The following CFAP44 variants were observed in gnomAD, a reference collection of about 807,000 sequenced individuals.
The protein encoded by CFAP44 is cilia- and flagella-associated protein 44.
CFAP44 carries 134 observed loss-of-function variants against 216.2 expected under a neutral mutation model. The observed-to-expected ratio is 0.62, with a 90% confidence interval of 0.54 to 0.72. The LOEUF (loss-of-function observed/expected upper bound fraction) is 0.72. Ranked by LOEUF, CFAP44 falls within the 30% of genes least tolerant of loss-of-function variation. The pLI is 0.00. For synonymous variants in CFAP44, 700 were observed against 727.6 expected (o/e 0.96, Z 0.61); for missense variants, 2,035 against 2,182.1 (o/e 0.93, Z 1.34).
chr3:113,366,743 G>A (rs1030230547), intron 18 of CFAP44, among the ~76,000 whole-genome samples: 7 of 152,188 alleles, frequency 4.6e-5, no homozygotes, highest in East Asian at 1.9e-4. Context: ...AGGGCAAGCC[G>A]AAGCAAGGCA....
rs543715475 is a variant in CFAP44 at position 113,409,145 on chromosome 3, T to C, written c.851A>G (p.Lys284Arg). 2 of 1,614,054 alleles carry C rather than the reference T, an allele frequency of 1.2e-6. No individual in the cohort carries two copies. The highest frequency in any genetic ancestry group is 1.1e-5 in the South Asian group (1 of 91,080). Residue 284 changes from lysine to arginine, a missense_variant, in exon 7 of 35, where the codon AAG (lysine) becomes AGG (arginine). Coordinates refer to ENST00000393845, the MANE Select transcript of CFAP44 (RefSeq NM_001164496.2). Reference protein sequence around the residue: ...EVFKVTFNPDKEEQLTTSGSG... With the variant: ...EVFKVTFNPDREEQLTTSGSG... ...TCCCGATGTAGTAAGCTGCTCTTCC[T>C]TATCAGGATTGAAAGTAACCTTAAA...
intron 23 of CFAP44, among the ~76,000 whole-genome samples, chr3:113,343,838 A>C (rs1559917578): frequency 6.6e-6 from 1 of 152,212 alleles, no homozygotes; most frequent in East Asian, 1.9e-4. Flanking sequence ...CCAATGAAGA[A>C]GATAAACCAA....
chr3:113,330,070 T>G, intron 26 of CFAP44, 98 bp downstream of exon 26: 5 of 1,398,872 alleles, frequency 3.6e-6, no homozygotes, highest in Non-Finnish European at 4.7e-6. Flanking sequence ...GAAAGGTTCA[T>G]GCAGAGAAAT....
At chr3:113,393,908 C>A (rs1317576053) in intron 15 of CFAP44, among the ~76,000 whole-genome samples, 2 of 152,166 alleles carry the variant, frequency 1.3e-5, no homozygotes, top group African/African-American at 4.8e-5. Flanking sequence ...GCCCGTGAGG[C>A]CCTCACCAGA....
intron 28 of CFAP44, among the ~76,000 whole-genome samples, chr3:113,318,704 A>C (rs775234): frequency 0.98 from 148,617 of 152,218 alleles, 72,574 homozygotes; most frequent in East Asian, 1. Flanking sequence ...ACAGAGAGAA[A>C]CCCATCAGGC....
At chr3:113,362,422 C>T (rs1950549947) in intron 21 of CFAP44, among the ~76,000 whole-genome samples, 1 of 152,066 alleles carries the variant, frequency 6.6e-6, no homozygotes, top group South Asian at 2.1e-4. Context: ...AAGGGGCCAC[C>T]ACCAATCACC....
intron 14 of CFAP44, 55 bp from the exon 15 acceptor site, chr3:113,395,915 T>A: frequency 7.5e-7 from 1 of 1,334,480 alleles, no homozygotes; most frequent in Non-Finnish European, 1.1e-6. Flanking sequence ...ATCTAGCCTA[T>A]AGATCACAAA....
At chr3:113,326,148 T>C (rs139440699) in intron 28 of CFAP44, among the ~76,000 whole-genome samples, 11 of 152,252 alleles carry the variant, frequency 7.2e-5, no homozygotes, top group African/African-American at 2.4e-4. Context: ...AAATAAGATA[T>C]ACATATGGCA....
intron 6 of CFAP44, among the ~76,000 whole-genome samples, chr3:113,414,940 C>T (rs150626627): frequency 0.041 from 6,192 of 152,128 alleles, 411 homozygotes; most frequent in African/African-American, 0.14. Flanking sequence ...GGAATGGTAC[C>T]AGCTCCTCTT....
chr3:113,300,044 T>A (rs1473205191), intron 32 of CFAP44, among the ~76,000 whole-genome samples: 2 of 151,974 alleles, frequency 1.3e-5, no homozygotes, highest in Non-Finnish European at 2.9e-5. Context: ...GAGAGAGAGG[T>A]CTTGTCATTT....
chr3:113,312,657 G>T (rs1288983960), intron 28 of CFAP44, among the ~76,000 whole-genome samples: 4 of 152,130 alleles, frequency 2.6e-5, no homozygotes, highest in Admixed American at 6.5e-5. Context: ...TGGTTTCTTG[G>T]GGAGGGCCCA....
At position 113,294,693 on chromosome 3, in the gene CFAP44, A is replaced by T; in HGVS notation, c.5367T>A (p.Asn1789Lys). ...KLDSRLNTLQ[N>K]QQGNAFQGPR... ...CTGAAGGTAAAGAACATACCTGCTG[A>T]TTCTGTAGTGTATTCAACCGAGAAT... The change falls in exon 34 of 35, where the codon AAT (asparagine) becomes AAA (lysine). Residue 1789 changes from asparagine to lysine, a missense_variant. This residue lies in a region of CFAP44 where 1,883 missense variants were observed against 2,023.7 expected (regional missense o/e 0.93). Coordinates refer to ENST00000393845, the MANE Select transcript of CFAP44 (RefSeq NM_001164496.2). The T allele has an allele frequency of 6.5e-7, 1 of 1,529,074 alleles. No individual in the cohort carries two copies. The allele number at this position is 1,529,074 out of a possible 1,614,324, so 94.7% of individuals were successfully genotyped here.
chr3:113,398,540 A>G (rs1475629728), intron 13 of CFAP44, among the ~76,000 whole-genome samples: 1 of 152,174 alleles, frequency 6.6e-6, no homozygotes, highest in Non-Finnish European at 1.5e-5. Flanking sequence ...AATTACCTGG[A>G]TTGTAGTTTT....
At chr3:113,312,950 G>C (rs566784752) in intron 28 of CFAP44, among the ~76,000 whole-genome samples, 306 of 152,302 alleles carry the variant, frequency 2.0e-3, no homozygotes, top group South Asian at 5.6e-3. Context: ...CTCTGGGGCA[G>C]TGTGGATGGG....
In CFAP44 at chr3:113,409,413, T is replaced by C. The variant is rs933378014; in HGVS notation, c.674-91A>G. The C allele has an allele frequency of 4.0e-5, 47 of 1,179,756 alleles. 1 individual carries two copies. The African/African-American group carries it at 4.6e-4, about 12-fold the overall frequency. The allele number at this position is 1,179,756 out of a possible 1,614,324, so 73.1% of individuals were successfully genotyped here. ...AAAAAAAAGAGAGGGAGTCAGCCCA[T>C]GGTGATGTAAGAATGCCAAGAATAC... On this transcript the variant is annotated intron_variant, in intron 6 of 34. Transcript: ENST00000393845.
chr3:113,333,242 T>G (rs938137939), intron 25 of CFAP44, among the ~76,000 whole-genome samples, 164 bp downstream of exon 25: 1 of 152,156 alleles, frequency 6.6e-6, no homozygotes, highest in Non-Finnish European at 1.5e-5. Flanking sequence ...TTTCCTTATT[T>G]GTAAAAAGAG....
chr3:113,305,656 C>A (rs764678885), intron 30 of CFAP44, among the ~76,000 whole-genome samples: 35 of 152,264 alleles, frequency 2.3e-4, no homozygotes, highest in Admixed American at 4.6e-4. Flanking sequence ...AAAAATATTT[C>A]TGAACATGAA....
At position 113,334,935 on chromosome 3, in the gene CFAP44, T is replaced by G. The variant is rs141739578; in HGVS notation, c.3438-1352A>C. On this transcript the variant is annotated intron_variant, in intron 24 of 34. Coordinates refer to ENST00000393845, the MANE Select transcript of CFAP44 (RefSeq NM_001164496.2). ...GCCAACATGAGCGTGTACACATAGC[T>G]CTCACAGGAAACCCATACCATCTAT... is the stretch of plus-strand genomic sequence containing the variant. Among the ~76,000 whole-genome samples the G allele has an allele frequency of 1.9e-3, 291 of 152,220 alleles. 2 individuals are homozygous for G. Among genetic ancestry groups the G allele is most frequent in the African/African-American group, 5.7e-3 (238 of 41,528 alleles).
chr3:113,374,398 T>TATTTATTA (rs1323335722), intron 17 of CFAP44, among the ~76,000 whole-genome samples: 1 of 148,502 alleles, frequency 6.7e-6, no homozygotes, highest in Non-Finnish European at 1.5e-5. Context: ...TTTATTTATT[T>TATTTATTA]ATTATTATAC....
Sources: gnomAD v4.1 joint callset for allele counts (sites outside exome capture counted in the v4.1 genomes callset) on GRCh38, gnomAD v4.1.1 for gene constraint, gnomAD v4.1.1 regional missense constraint, MANE v1.5 for transcripts, NCBI Gene and HGNC (gene_info 2026-07-23, HGNC 2026-07-21) for gene names.